CDS1: variants seen among roughly 807,000 people sequenced by gnomAD.
CDS1 encodes phosphatidate cytidylyltransferase 1.
Under a neutral mutation model 62.1 loss-of-function variants are expected in CDS1, and 41 were observed. That is an observed-to-expected ratio of 0.66 (90% confidence interval 0.51 to 0.86). CDS1 has a LOEUF of 0.86. Among genes scored for constraint, CDS1 ranks in the 40% least tolerant of loss-of-function variants. CDS1 has a pLI of 0.00. For missense variants in CDS1, 470 were observed against 550.1 expected (o/e 0.85, Z 1.46); for synonymous variants, 185 against 192.6 (o/e 0.96, Z 0.32).
At chr4:84,631,915 A>T (rs1258602214) in intron 6 of CDS1, 38 bp downstream of exon 6, 1 of 1,458,752 alleles carries the variant, frequency 6.9e-7, no homozygotes, top group East Asian at 2.3e-5. Context: ...ATTATCTGTG[A>T]TAAAAACCCT....
chr4:84,615,047 T>A (rs1446558386), intron 3 of CDS1, among the ~76,000 whole-genome samples: 1 of 152,168 alleles, frequency 6.6e-6, no homozygotes, highest in Non-Finnish European at 1.5e-5. Context: ...GTGGAGCAGG[T>A]GCTGTGTGCC....
intron 2 of CDS1, among the ~76,000 whole-genome samples, chr4:84,605,286 A>G (rs1456273828): frequency 1.3e-5 from 2 of 152,142 alleles, no homozygotes; most frequent in African/African-American, 4.8e-5. Context: ...ACTGTGTAAT[A>G]CCCTCTGATT....
At chr4:84,644,348 CTTTTATGCT>C (rs1475691147) in intron 11 of CDS1, among the ~76,000 whole-genome samples, 1 of 152,094 alleles carries the variant, frequency 6.6e-6, no homozygotes, top group East Asian at 1.9e-4. Flanking sequence ...TACTGTGGCT[CTTTTATGCT>C]TTGACTAGTA....
At chr4:84,588,668 G>A (rs1311792255) in intron 1 of CDS1, among the ~76,000 whole-genome samples, 1 of 152,124 alleles carries the variant, frequency 6.6e-6, no homozygotes, top group Non-Finnish European at 1.5e-5. Flanking sequence ...TCCATTTCTG[G>A]ATGGGGGGGC....
At chr4:84,601,172 CAA>C (rs59688950) in intron 1 of CDS1, among the ~76,000 whole-genome samples, 18 of 88,220 alleles carry the variant, frequency 2.0e-4, no homozygotes, top group Non-Finnish European at 1.5e-4. Flanking sequence ...GACCCTGTCT[CAA>C]AAAAAAAAAA....
intron 3 of CDS1, 74 bp from the exon 4 acceptor site, chr4:84,617,490 A>T: frequency 1.3e-6 from 1 of 775,212 alleles, no homozygotes; most frequent in Non-Finnish European, 2.2e-6. Flanking sequence ...ACATATGACA[A>T]ACTGCTTTAT....
chr4:84,646,457 T>TATA (rs1013863216), intron 12 of CDS1, among the ~76,000 whole-genome samples: 1 of 152,182 alleles, frequency 6.6e-6, no homozygotes, highest in African/African-American at 2.4e-5. Flanking sequence ...TGAAGACTAT[T>TATA]AAGTATCACT....
chr4:84,638,847 TTA>T (rs3840105), intron 8 of CDS1, 75 bp from the exon 9 acceptor site: 15,976 of 290,682 alleles, frequency 0.055, 12 homozygotes, highest in Middle Eastern at 0.079. Context: ...AGGAAATAGT[TTA>T]TATATATATA....
chr4:84,638,142 G>A (rs1724270938), intron 8 of CDS1, among the ~76,000 whole-genome samples: 1 of 152,108 alleles, frequency 6.6e-6, no homozygotes. Context: ...TCTCCCCTGA[G>A]CAACAACTTT....
intron 2 of CDS1, among the ~76,000 whole-genome samples, chr4:84,607,372 C>T (rs866117534): frequency 6.6e-6 from 1 of 151,840 alleles, no homozygotes; most frequent in Non-Finnish European, 1.5e-5. Flanking sequence ...CAGCCTTGAC[C>T]TCCTGGGCTC....
intron 6 of CDS1, among the ~76,000 whole-genome samples, chr4:84,632,143 C>T (rs1724040774): frequency 6.6e-6 from 1 of 152,068 alleles, no homozygotes; most frequent in Admixed American, 6.5e-5. Flanking sequence ...TTTTTGGGTT[C>T]CTTAAATTTG....
intron 5 of CDS1, among the ~76,000 whole-genome samples, chr4:84,621,519 TGAG>T (rs1406199596): frequency 6.6e-6 from 1 of 152,234 alleles, no homozygotes; most frequent in East Asian, 1.9e-4. Flanking sequence ...TTTTATGTAA[TGAG>T]GAGGAATACA....
At chr4:84,594,971 G>A (rs1228398229) in intron 1 of CDS1, among the ~76,000 whole-genome samples, 3 of 151,942 alleles carry the variant, frequency 2.0e-5, no homozygotes, top group African/African-American at 4.8e-5. Flanking sequence ...CTTCTGCCTC[G>A]GGCTCCCAAA....
chr4:84,605,474 A>G (rs1723066635), intron 2 of CDS1, among the ~76,000 whole-genome samples: 1 of 152,016 alleles, frequency 6.6e-6, no homozygotes, highest in Admixed American at 6.6e-5. Context: ...GGATAACCAT[A>G]TTAGAATATA....
rs185941517 is a variant in CDS1, at chr4:84,588,584, G to A, written c.117+5066G>A. ...TAAAAGATAGTTTGGTGTGCAGGGG[G>A]TTAGAGAATGGGTGCTGCTGATTGG... On this transcript the variant is annotated intron_variant, in intron 1 of 12. Coordinates refer to ENST00000295887, the MANE Select transcript of CDS1 (RefSeq NM_001263.4). 5.3e-4 allele frequency among the ~76,000 whole-genome samples: 80 copies of A among 152,226 alleles called. No individual in the cohort carries two copies. In the East Asian group the frequency reaches 0.014, roughly 27 times the overall value.
Position 84,639,003 on chromosome 4 carries a change from C to A in CDS1, c.879+11C>A. 3 of 1,413,780 alleles carry A rather than the reference C, an allele frequency of 2.1e-6. No homozygotes were observed. Among genetic ancestry groups the A allele is most frequent in the Non-Finnish European group, 2.9e-6 (3 of 1,031,668 alleles). 87.6% of individuals were successfully genotyped at this position (1,413,780 alleles called of 1,614,324 possible). On this transcript the variant is annotated intron_variant, in intron 9 of 12. Transcript: ENST00000295887. ...GTGTTTGGATTCATTGTGAGTATTA[C>A]TAAGATTTTTATTTTGTATACATTT...
At chr4:84,591,279 A>T (rs944010987) in intron 1 of CDS1, among the ~76,000 whole-genome samples, 2 of 152,134 alleles carry the variant, frequency 1.3e-5, no homozygotes. Context: ...ACCATTTTAT[A>T]TTTGGGGATG....
chr4:84,648,364 C>G (rs772406109), intron 12 of CDS1, among the ~76,000 whole-genome samples, 193 bp from the exon 13 acceptor site: 4 of 152,166 alleles, frequency 2.6e-5, no homozygotes, highest in Non-Finnish European at 2.9e-5. Context: ...TTTGTGCATT[C>G]TTTCTCCCTC....
intron 2 of CDS1, among the ~76,000 whole-genome samples, 197 bp from the exon 3 acceptor site, chr4:84,609,232 A>G (rs1264954529): frequency 6.6e-6 from 1 of 151,874 alleles, no homozygotes; most frequent in Non-Finnish European, 1.5e-5. Context: ...TTCTTGGCTA[A>G]CATAACTTTA....
Sources: allele counts gnomAD v4.1 joint callset (sites outside exome capture counted in the v4.1 genomes callset), GRCh38; gene constraint gnomAD v4.1.1; transcripts MANE v1.5; gene names NCBI Gene and HGNC (gene_info 2026-07-23, HGNC 2026-07-21).